Variants in SAMD3 observed in about 807,000 individuals in gnomAD.
The protein encoded by SAMD3 is sterile alpha motif domain-containing protein 3.
In SAMD3, 63 loss-of-function variants were observed where a neutral mutation model predicts 58.5. That is an observed-to-expected ratio of 1.08 (90% confidence interval 0.88 to 1.33). The LOEUF (loss-of-function observed/expected upper bound fraction) is 1.33, where lower values mean the gene tolerates loss of function less well. Ranked by LOEUF, SAMD3 falls within the 40% of genes most tolerant of loss-of-function variation. SAMD3 has a pLI of 0.00. For synonymous variants in SAMD3, 220 were observed against 210.3 expected, an observed-to-expected ratio of 1.05 and a Z score of -0.40; for missense variants, 604 against 608.4, an observed-to-expected ratio of 0.99 and a Z score of 0.08.
At chr6:130,328,450 A>G (rs1776825414) in intron 1 of SAMD3, among the ~76,000 whole-genome samples, 1 of 152,228 alleles carries the variant, frequency 6.6e-6, no homozygotes, top group Non-Finnish European at 1.5e-5. Flanking sequence ...TGTGCCATCA[A>G]TGCCCAGGCA....
chr6:130,274,464 C>T (rs1774700847), intron 2 of SAMD3, among the ~76,000 whole-genome samples: 1 of 152,162 alleles, frequency 6.6e-6, no homozygotes, highest in African/African-American at 2.4e-5. Context: ...AGTCGAGTGA[C>T]ATGTGAGTCT....
intron 1 of SAMD3, among the ~76,000 whole-genome samples, chr6:130,326,218 C>T (rs1287364304): frequency 6.6e-6 from 1 of 152,112 alleles, no homozygotes; most frequent in Non-Finnish European, 1.5e-5. Flanking sequence ...CAGCCACCTG[C>T]CTTAATTCTA....
intron 5 of SAMD3, among the ~76,000 whole-genome samples, chr6:130,197,242 G>GCC (rs1337972351): frequency 6.6e-6 from 1 of 152,116 alleles, no homozygotes; most frequent in African/African-American, 2.4e-5. Context: ...CTTAGACTGT[G>GCC]CCCCAAAAAA....
intron 1 of SAMD3, among the ~76,000 whole-genome samples, chr6:130,218,435 C>T (rs1191536859): frequency 6.6e-6 from 1 of 152,212 alleles, no homozygotes; most frequent in African/African-American, 2.4e-5. Context: ...CATAACATCT[C>T]ATCCACTATG....
At chr6:130,246,419 G>T (rs528442030) in intron 2 of SAMD3, among the ~76,000 whole-genome samples, 2 of 151,800 alleles carry the variant, frequency 1.3e-5, no homozygotes, top group African/African-American at 2.4e-5. Flanking sequence ...ACATTAACTT[G>T]ACTATACATG....
intron 8 of SAMD3, among the ~76,000 whole-genome samples, chr6:130,155,740 G>A (rs762946379): frequency 7.2e-5 from 11 of 152,078 alleles, no homozygotes; most frequent in East Asian, 1.9e-4. Flanking sequence ...TATAAAAGAC[G>A]AAAAAGGTGA....
chr6:130,277,726 T>A (rs993798471), intron 2 of SAMD3, among the ~76,000 whole-genome samples: 1 of 152,160 alleles, frequency 6.6e-6, no homozygotes, highest in Admixed American at 6.6e-5. Flanking sequence ...TAACAAGCAA[T>A]CCTCTAATGT....
At chr6:130,236,401 C>T (rs148906425) in intron 2 of SAMD3, among the ~76,000 whole-genome samples, 3,741 of 112,514 alleles carry the variant, frequency 0.033, 69 homozygotes, top group Non-Finnish European at 0.042. Context: ...TTTTTTTTTC[C>T]GAGATGGAGT....
chr6:130,184,237 C>T (rs1792704181), intron 6 of SAMD3, 50 bp from the exon 7 acceptor site: 1 of 1,436,336 alleles, frequency 7.0e-7, no homozygotes, highest in Non-Finnish European at 9.6e-7. Flanking sequence ...AAACCACATT[C>T]CTTCCTTTAA....
intron 1 of SAMD3, among the ~76,000 whole-genome samples, chr6:130,324,897 A>T (rs1776705794): frequency 6.6e-6 from 1 of 152,038 alleles, no homozygotes; most frequent in African/African-American, 2.4e-5. Flanking sequence ...TCACACTGTG[A>T]GGCTGCAGTC....
intron 1 of SAMD3, among the ~76,000 whole-genome samples, chr6:130,336,773 G>A (rs533144449): frequency 1.3e-5 from 2 of 152,312 alleles, no homozygotes; most frequent in East Asian, 1.9e-4. Flanking sequence ...ATCTGAAGGT[G>A]TAATTCACTC....
intron 8 of SAMD3, among the ~76,000 whole-genome samples, chr6:130,165,388 C>G (rs1790640124): frequency 6.6e-6 from 1 of 151,922 alleles, no homozygotes; most frequent in African/African-American, 2.4e-5. Flanking sequence ...CAAAACAAAA[C>G]AAAAACCAAC....
chr6:130,313,973 T>C (rs1333398499), intron 1 of SAMD3, among the ~76,000 whole-genome samples: 2 of 152,222 alleles, frequency 1.3e-5, no homozygotes, highest in Non-Finnish European at 2.9e-5. Flanking sequence ...TTCTCTTTGT[T>C]CTTGTAGATT....
chr6:130,153,635 C>T (rs955251305), intron 9 of SAMD3, among the ~76,000 whole-genome samples: 1 of 80,916 alleles, frequency 1.2e-5, no homozygotes, highest in African/African-American at 3.7e-5. Flanking sequence ...GATTGATTTA[C>T]CCATTAAATT....
intron 1 of SAMD3, among the ~76,000 whole-genome samples, chr6:130,357,489 A>G (rs1777870385): frequency 6.6e-6 from 1 of 152,178 alleles, no homozygotes; most frequent in Non-Finnish European, 1.5e-5. Flanking sequence ...CTCAGCCAGG[A>G]GGCTGTACCA....
chr6:130,268,324 A>G (rs944894818), intron 2 of SAMD3, among the ~76,000 whole-genome samples: 3 of 152,246 alleles, frequency 2.0e-5, no homozygotes, highest in African/African-American at 7.2e-5. Context: ...ACAAAGGAGT[A>G]CAAAAATTTT....
chr6:130,222,798 G>C lies in SAMD3; in HGVS notation c.-172C>G, dbSNP rs769536737. The C allele has an allele frequency of 6.6e-6, 1 of 152,148 alleles. No individual in the cohort carries two copies. The highest frequency in any genetic ancestry group is 2.4e-5 in the African/African-American group (1 of 41,432). 9.4% of individuals were successfully genotyped at this position (152,148 alleles called of 1,614,324 possible). On this transcript the variant is annotated 5_prime_UTR_variant, in exon 1 of 12. Transcript: ENST00000439090. ...AAATCCGATCAGTGGATGTGGTTCT[G>C]GTTCCTTTGTTTTATCTGAAAAATG... is the stretch of plus-strand genomic sequence containing the variant.
intron 2 of SAMD3, among the ~76,000 whole-genome samples, chr6:130,252,705 T>G (rs1013394549): frequency 6.6e-6 from 1 of 152,178 alleles, no homozygotes; most frequent in Non-Finnish European, 1.5e-5. Flanking sequence ...TTCCTGGATT[T>G]GGGTTGGAAT....
chr6:130,182,022 G>GCCA (rs1368262009), intron 7 of SAMD3, among the ~76,000 whole-genome samples: 1 of 146,808 alleles, frequency 6.8e-6, no homozygotes, highest in African/African-American at 2.5e-5. Flanking sequence ...TCGAGATCGT[G>GCCA]CCACTGCACT....
Sources: allele counts gnomAD v4.1 joint callset (sites outside exome capture counted in the v4.1 genomes callset), GRCh38; gene constraint gnomAD v4.1.1; transcripts MANE v1.5; gene names NCBI Gene and HGNC (gene_info 2026-07-23, HGNC 2026-07-21).